The following RAB3C variants were observed in gnomAD, a reference collection of about 807,000 sequenced individuals.
The protein encoded by RAB3C is ras-related protein Rab-3C.
A neutral mutation model predicts 26.4 loss-of-function variants in RAB3C; 17 were observed. The observed-to-expected ratio is 0.64, with a 90% CI of 0.44 to 0.97. The LOEUF (loss-of-function observed/expected upper bound fraction) is 0.97. RAB3C is among the 50% of genes least tolerant of loss of function. The pLI is 0.00. For missense variants in RAB3C, 242 were observed against 281.9 expected (o/e 0.86, Z 1.01); for synonymous variants, 91 against 95.9 (o/e 0.95, Z 0.30).
intron 2 of RAB3C, among the ~76,000 whole-genome samples, chr5:58,618,768 C>A (rs1347899638): frequency 1.3e-5 from 2 of 152,148 alleles, no homozygotes; most frequent in Non-Finnish European, 1.5e-5. Context: ...AGTTTTGGCA[C>A]CTTTTTCCTA....
chr5:58,701,105 C>G (rs978801404), intron 2 of RAB3C, among the ~76,000 whole-genome samples: 1 of 152,072 alleles, frequency 6.6e-6, no homozygotes, highest in East Asian at 1.9e-4. Context: ...ACAACATTCT[C>G]CCGCCTCAGC....
At chr5:58,725,016 T>G (rs577545082) in intron 2 of RAB3C, among the ~76,000 whole-genome samples, 6 of 152,012 alleles carry the variant, frequency 3.9e-5, no homozygotes, top group African/African-American at 1.4e-4. Flanking sequence ...TCTATGCGCT[T>G]AATTTTACCA....
At chr5:58,611,804 G>T (rs536783700) in intron 1 of RAB3C, among the ~76,000 whole-genome samples, 1 of 152,116 alleles carries the variant, frequency 6.6e-6, no homozygotes, top group South Asian at 2.1e-4. Context: ...TGAAATCTTT[G>T]CCTGCTCCTA....
At chr5:58,707,627 C>T (rs1000323226) in intron 2 of RAB3C, among the ~76,000 whole-genome samples, 5 of 152,162 alleles carry the variant, frequency 3.3e-5, no homozygotes, top group African/African-American at 1.2e-4. Flanking sequence ...CTGCTCTTAA[C>T]AATTATCCCA....
At chr5:58,663,316 G>T (rs1472735046) in intron 2 of RAB3C, among the ~76,000 whole-genome samples, 1 of 149,600 alleles carries the variant, frequency 6.7e-6, no homozygotes, top group Non-Finnish European at 1.5e-5. Context: ...CTGCCTAGGC[G>T]ACCCCACTGG....
chr5:58,686,616 T>C (rs1444118309), intron 2 of RAB3C, among the ~76,000 whole-genome samples: 1 of 151,916 alleles, frequency 6.6e-6, no homozygotes, highest in Non-Finnish European at 1.5e-5. Flanking sequence ...CTTTGTTCTA[T>C]AGCTGTCTCT....
At chr5:58,752,973 G>A (rs1741566406) in intron 3 of RAB3C, among the ~76,000 whole-genome samples, 1 of 151,746 alleles carries the variant, frequency 6.6e-6, no homozygotes, top group Non-Finnish European at 1.5e-5. Flanking sequence ...ATCCCAGGCA[G>A]GGTCAATTTT....
At chr5:58,749,235 C>G (rs1014274874) in intron 3 of RAB3C, among the ~76,000 whole-genome samples, 6 of 152,140 alleles carry the variant, frequency 3.9e-5, no homozygotes, top group Non-Finnish European at 7.3e-5. Flanking sequence ...ATAGTCTGCC[C>G]TTCACCATCT....
rs1235030281 is a variant in RAB3C at position 58,705,719 on chromosome 5, TC to T, written c.253-20278del. Among the ~76,000 whole-genome samples, 3 of 152,220 alleles carry T rather than the reference TC, an allele frequency of 2.0e-5. No individual in the cohort carries two copies. The East Asian group carries it at 5.8e-4, about 29-fold the overall frequency. ...GACTTGTTCCCAAGCACTTTTGTCT[TC>T]CCCCTACCCACTTGCACTCTCTCTC... is the stretch of plus-strand genomic sequence containing the variant. On this transcript the variant is annotated intron_variant, in intron 2 of 4. Transcript: ENST00000282878.
At chr5:58,812,594 A>G (rs1235380991) in intron 3 of RAB3C, among the ~76,000 whole-genome samples, 2 of 152,208 alleles carry the variant, frequency 1.3e-5, no homozygotes, top group Non-Finnish European at 2.9e-5. Flanking sequence ...GAGAGCAGAG[A>G]CCATATCTTT....
intron 2 of RAB3C, among the ~76,000 whole-genome samples, chr5:58,667,254 T>C (rs780116226): frequency 1.3e-5 from 2 of 152,216 alleles, no homozygotes; most frequent in Non-Finnish European, 2.9e-5. Context: ...TGCATAGATC[T>C]GCATGACAGA....
rs1744293630 is a variant in RAB3C at position 58,857,573 on chromosome 5, C to T, written c.*6222C>T. 6.6e-6 allele frequency: 1 copy of T among 152,120 alleles called. No homozygotes were observed. The highest frequency in any genetic ancestry group is 2.1e-4 in the South Asian group (1 of 4,832). The allele number at this position is 152,120 out of a possible 1,614,324, so 9.4% of individuals were successfully genotyped here. On this transcript the variant is annotated 3_prime_UTR_variant, in exon 5 of 5. Coordinates refer to ENST00000282878, the MANE Select transcript of RAB3C (RefSeq NM_138453.4). ...ATGACATGTCTACTAAGAATTTTCACCTCTGTACTTGTATGTATATTTTAT... is the reference window on the plus strand; with the variant it reads ...ATGACATGTCTACTAAGAATTTTCATCTCTGTACTTGTATGTATATTTTAT...
At chr5:58,742,094 C>A (rs770151949) in intron 3 of RAB3C, 2 of 152,122 alleles carry the variant, frequency 1.3e-5, no homozygotes, top group Non-Finnish European at 2.9e-5. Context: ...TCTCCAGATA[C>A]CCCGTAAAGC....
chr5:58,643,281 A>G (rs1301999282), intron 2 of RAB3C, among the ~76,000 whole-genome samples: 1 of 152,144 alleles, frequency 6.6e-6, no homozygotes, highest in Non-Finnish European at 1.5e-5. Context: ...TTTTAAGCTG[A>G]AAGAACATTG....
At chr5:58,585,682 A>G (rs905446211) in intron 1 of RAB3C, among the ~76,000 whole-genome samples, 17 of 152,124 alleles carry the variant, frequency 1.1e-4, no homozygotes, top group African/African-American at 4.1e-4. Context: ...CATTTGATGT[A>G]TCTATATAAA....
intron 2 of RAB3C, among the ~76,000 whole-genome samples, chr5:58,659,987 A>G (rs1269376353): frequency 6.6e-6 from 1 of 152,056 alleles, no homozygotes; most frequent in African/African-American, 2.4e-5. Context: ...TGTTTTTTGT[A>G]GAGACAGCGA....
At chr5:58,817,494 T>C (rs919841347) in intron 3 of RAB3C, among the ~76,000 whole-genome samples, 11 of 152,180 alleles carry the variant, frequency 7.2e-5, no homozygotes, top group Non-Finnish European at 1.6e-4. Flanking sequence ...CAGACTTTAT[T>C]ATGTTCCTGT....
At chr5:58,607,054 G>T (rs1296723388) in intron 1 of RAB3C, among the ~76,000 whole-genome samples, 1 of 152,186 alleles carries the variant, frequency 6.6e-6, no homozygotes, top group Non-Finnish European at 1.5e-5. Flanking sequence ...AAGCTGGATG[G>T]AGAATGACTG....
chr5:58,614,831 GA>G (rs1428813498), intron 1 of RAB3C, among the ~76,000 whole-genome samples: 2 of 151,944 alleles, frequency 1.3e-5, no homozygotes, highest in African/African-American at 4.8e-5. Flanking sequence ...AAATATTTGG[GA>G]AAAAATTTCA....
Sources: gnomAD v4.1 joint callset for allele counts (sites outside exome capture counted in the v4.1 genomes callset) on GRCh38, gnomAD v4.1.1 for gene constraint, MANE v1.5 for transcripts, NCBI Gene and HGNC (gene_info 2026-07-23, HGNC 2026-07-21) for gene names.